The following NCR1 variants were observed in gnomAD, a reference collection of about 807,000 sequenced individuals.
The protein encoded by NCR1 is natural cytotoxicity triggering receptor 1, also known as NK cell-activating receptor.
In NCR1, 30 loss-of-function variants were observed where a neutral mutation model predicts 32.5. The ratio of observed to expected loss-of-function variants is 0.92; its 90% CI spans 0.69 to 1.25. The LOEUF (loss-of-function observed/expected upper bound fraction) is 1.25. Ranked by LOEUF, NCR1 falls within the 50% of genes most tolerant of loss-of-function variation. NCR1 has a pLI of 0.00. For missense variants in NCR1, 369 were observed against 380.7 expected, an observed-to-expected ratio of 0.97 and a Z score of 0.26; for synonymous variants, 169 against 143.4, an observed-to-expected ratio of 1.18 and a Z score of -1.28.
chr19:54,922,386 G>C, the NCR1 span, among the ~76,000 whole-genome samples: 1 of 152,164 alleles, frequency 6.6e-6, no homozygotes, highest in Non-Finnish European at 1.5e-5. Context: ...GAAAAGCTGT[G>C]TTTGCCATGG....
intron 6 of NCR1, 21 bp from the exon 7 acceptor site, chr19:54,912,669 A>T (rs2068035945): frequency 7.1e-7 from 1 of 1,405,732 alleles, no homozygotes; most frequent in Non-Finnish European, 9.8e-7. Context: ...GTCAGCGATC[A>T]CCCTGTTCTC....
chr19:54,930,723 A>C, the NCR1 span: 1 of 1,476,840 alleles, frequency 6.8e-7, no homozygotes. Context: ...CGCCCTGTGA[A>C]GCAGTTATTT....
downstream of NCR1, among the ~76,000 whole-genome samples, chr19:54,921,010 C>T (rs1298930487): frequency 6.6e-6 from 1 of 152,148 alleles, no homozygotes; most frequent in African/African-American, 2.4e-5. Flanking sequence ...AGACTACTAT[C>T]TTAAACAAAA....
chr19:54,937,076 G>A, the NCR1 span, among the ~76,000 whole-genome samples: 1 of 151,064 alleles, frequency 6.6e-6, no homozygotes, highest in Non-Finnish European at 1.5e-5. Context: ...AAACTAGCCG[G>A]GCGTGGTGGC....
At chr19:54,914,089 A>T (rs1225197560), downstream of NCR1, among the ~76,000 whole-genome samples, 3 of 151,494 alleles carry the variant, frequency 2.0e-5, no homozygotes, top group Non-Finnish European at 4.4e-5. Context: ...GAAAAAAAAA[A>T]AATAAGTGAC....
the NCR1 span, among the ~76,000 whole-genome samples, chr19:54,933,968 AG>A: frequency 6.6e-6 from 1 of 152,102 alleles, no homozygotes; most frequent in African/African-American, 2.4e-5. Flanking sequence ...TTTGAGACGG[AG>A]TCTCGCTCTG....
At chr19:54,899,474 G>A in the NCR1 span, among the ~76,000 whole-genome samples, 9 of 152,038 alleles carry the variant, frequency 5.9e-5, no homozygotes, top group Admixed American at 1.3e-4. Flanking sequence ...CCAGAAAAGC[G>A]GGAAAGGGGT....
the NCR1 span, among the ~76,000 whole-genome samples, chr19:54,900,091 TC>T: frequency 2.0e-5 from 3 of 152,032 alleles, no homozygotes; most frequent in Non-Finnish European, 2.9e-5. Context: ...GGACGAGAGG[TC>T]GTAGGTGGAT....
At chr19:54,933,822 T>C in the NCR1 span, 24 of 1,205,306 alleles carry the variant, frequency 2.0e-5, no homozygotes, top group East Asian at 5.6e-4. Context: ...CATGCTAGGG[T>C]ACTCAGCTTC....
At chr19:54,905,200 A>G (rs2067505787), upstream of NCR1, among the ~76,000 whole-genome samples, 2 of 152,202 alleles carry the variant, frequency 1.3e-5, no homozygotes, top group African/African-American at 4.8e-5. Flanking sequence ...ATTTACACCC[A>G]CCAACAGTGT....
the NCR1 span, among the ~76,000 whole-genome samples, chr19:54,926,843 G>A: frequency 6.6e-6 from 1 of 150,798 alleles, no homozygotes; most frequent in Non-Finnish European, 1.5e-5. Flanking sequence ...TTGAACCCAG[G>A]AGGCAGAGGT....
chr19:54,937,740 G>C, the NCR1 span, among the ~76,000 whole-genome samples: 1 of 151,504 alleles, frequency 6.6e-6, no homozygotes, highest in South Asian at 2.1e-4. Context: ...TGTGCTAAAA[G>C]TACAAAATTA....
downstream of NCR1, among the ~76,000 whole-genome samples, chr19:54,919,818 G>A (rs916780546): frequency 4.0e-4 from 61 of 151,618 alleles, no homozygotes; most frequent in East Asian, 2.0e-4. Context: ...GGTGACGGGT[G>A]TCTTCCCAGA....
At chr19:54,907,146 T>C (rs1445732198) in intron 3 of NCR1, among the ~76,000 whole-genome samples, 1 of 149,740 alleles carries the variant, frequency 6.7e-6, no homozygotes, top group Non-Finnish European at 1.5e-5. Flanking sequence ...TCACAGGTGG[T>C]GGGTTTTTTT....
chr19:54,915,069 C>T (rs962521972), downstream of NCR1, among the ~76,000 whole-genome samples: 3 of 152,124 alleles, frequency 2.0e-5, no homozygotes, highest in Non-Finnish European at 4.4e-5. Context: ...CATCCCAAAG[C>T]ACCTGTTAAT....
chr19:54,923,477 G>T, the NCR1 span: 3 of 541,956 alleles, frequency 5.5e-6, no homozygotes, highest in Non-Finnish European at 6.6e-6. Context: ...GTTTATTGCA[G>T]GTTTGCTCCT....
At position 54,906,510 on chromosome 19, in the gene NCR1, G is replaced by C. The variant is rs781202533; in HGVS notation, c.71-13G>C. On this transcript the variant is annotated splice_polypyrimidine_tract_variant and intron_variant, in intron 2 of 6. Coordinates refer to ENST00000291890, the MANE Select transcript of NCR1 (RefSeq NM_004829.7). ...GGGCTCCGCTGGAACTCCAGCCTCT[G>C]ATTCCCTTCCAGAGACTCTCCCAAA... 1.2e-6 allele frequency: 2 copies of C among 1,603,358 alleles called. No individual in the cohort carries two copies. The highest frequency in any genetic ancestry group is 1.7e-5 in the Admixed American group (1 of 59,944).
upstream of NCR1, among the ~76,000 whole-genome samples, chr19:54,903,070 C>T (rs1392284854): frequency 1.3e-5 from 2 of 151,674 alleles, no homozygotes; most frequent in Admixed American, 1.3e-4. Context: ...GTGAAGGTTG[C>T]AGTGAGCTGA....
chr19:54,930,187 C>T, the NCR1 span, among the ~76,000 whole-genome samples: 1 of 151,466 alleles, frequency 6.6e-6, no homozygotes, highest in Non-Finnish European at 1.5e-5. Flanking sequence ...AAAAATGAGG[C>T]CAGGCATGAT....
Sources: allele counts gnomAD v4.1 joint callset (sites outside exome capture counted in the v4.1 genomes callset), GRCh38; gene constraint gnomAD v4.1.1; transcripts MANE v1.5; gene names NCBI Gene and HGNC (gene_info 2026-07-23, HGNC 2026-07-21).